SV2B: variants seen among roughly 807,000 people sequenced by gnomAD.
SV2B encodes solute carrier family 22 member B2.
A neutral mutation model predicts 73.9 loss-of-function variants in SV2B; 41 were observed. That is an observed-to-expected ratio of 0.56 (90% CI 0.43 to 0.72). The LOEUF is 0.72. SV2B is among the 30% of genes least tolerant of loss of function. The pLI is 0.00. For synonymous variants in SV2B, 314 were observed against 314.2 expected (o/e 1.00, Z 0.01); for missense variants, 764 against 857.8 (o/e 0.89, Z 1.37).
rs1301790554 is a variant in SV2B at position 91,301,682 on chromosome 15, C to G, written c.*9130C>G. 1.3e-5 allele frequency among the ~76,000 whole-genome samples: 2 copies of G among 152,172 alleles called. No homozygotes were observed. The highest frequency in any genetic ancestry group is 4.8e-5 in the African/African-American group (2 of 41,436). On this transcript the variant is annotated 3_prime_UTR_variant, in exon 13 of 13. Transcript: ENST00000394232. The surrounding 1 kb of genome is among the most constrained non-coding windows in gnomAD (Gnocchi z 4.3). ...TTGTCAAAGGCCAAATAGCTACAGA[C>G]TGAGTATTCCTTATCCCAAATGTTT...
chr15:91,252,165 G>T lies in SV2B; in HGVS notation c.632+166G>T, dbSNP rs1452035738. Reference sequence around the variant, plus strand: ...GAACCTTAGAAAGAGTTAGGGTTAGGATTAGCCTCTGAAGTCAGCATGCAA... The same window carrying T: ...GAACCTTAGAAAGAGTTAGGGTTAGTATTAGCCTCTGAAGTCAGCATGCAA... On this transcript the variant is annotated intron_variant, in intron 3 of 12. Transcript: ENST00000394232. This position sits in a 1 kb window ranked among gnomAD's most constrained non-coding sequence, Gnocchi z 4.6. Among the ~76,000 whole-genome samples the T allele has an allele frequency of 6.6e-6, 1 of 152,186 alleles. No homozygotes were observed. The highest frequency in any genetic ancestry group is 1.9e-4 in the East Asian group (1 of 5,194).
In SV2B at chr15:91,252,014, AG is replaced by A. The variant is rs757965786; in HGVS notation, c.632+17del. On this transcript the variant is annotated intron_variant, in intron 3 of 12. Coordinates refer to ENST00000394232, the MANE Select transcript of SV2B (RefSeq NM_001323032.3). This position sits in a 1 kb window ranked among gnomAD's most constrained non-coding sequence, Gnocchi z 4.6. ...TCAGGCATCGGGTATGTTCTTAGGG[AG>A]GTGGAGCTGGACCATCCCAGACCAA... 9.6e-5 allele frequency: 155 copies of A among 1,613,158 alleles called. No individual in the cohort carries two copies. The African/African-American group carries it at 1.9e-3, about 19-fold the overall frequency.
chr15:91,159,736 A>G (rs1355820057), intron 1 of SV2B, among the ~76,000 whole-genome samples: 1 of 152,188 alleles, frequency 6.6e-6, no homozygotes, highest in Non-Finnish European at 1.5e-5. Context: ...TTGACTATAA[A>G]TATATCCACT....
In SV2B at chr15:91,297,071, G is replaced by T. The variant is rs183688280; in HGVS notation, c.*4519G>T. 7.0e-6 allele frequency: 1 copy of T among 142,586 alleles called. No homozygotes were observed. Among genetic ancestry groups the T allele is most frequent in the Non-Finnish European group, 1.5e-5 (1 of 66,048 alleles). 8.8% of individuals were successfully genotyped at this position (142,586 alleles called of 1,614,324 possible). On this transcript the variant is annotated 3_prime_UTR_variant, in exon 13 of 13. Transcript: ENST00000394232. This position sits in a 1 kb window ranked among gnomAD's most constrained non-coding sequence, Gnocchi z 5.1. ...GGGCGCACGCTCCTTCTGCCTGATC[G>T]TTGGGCGCACGCTCCTTCTGCCTGA... is the stretch of plus-strand genomic sequence containing the variant.
intron 11 of SV2B, among the ~76,000 whole-genome samples, chr15:91,287,263 C>T (rs950324465): frequency 1.3e-5 from 2 of 151,984 alleles, no homozygotes; most frequent in African/African-American, 4.8e-5. Context: ...GGCTGAGGAC[C>T]GTCCCTGGGG....
chr15:91,127,554 C>T (rs981178553), intron 1 of SV2B, among the ~76,000 whole-genome samples: 2 of 152,090 alleles, frequency 1.3e-5, no homozygotes, highest in African/African-American at 2.4e-5. Context: ...GTCCTGATTT[C>T]GGGAAAGAAA....
intron 1 of SV2B, among the ~76,000 whole-genome samples, chr15:91,208,462 A>G (rs1327317263): frequency 2.0e-5 from 3 of 152,242 alleles, no homozygotes; most frequent in African/African-American, 7.2e-5. Flanking sequence ...TGACAGTTTC[A>G]TATTCATGGA....
At chr15:91,170,050 C>T (rs866736545) in intron 1 of SV2B, among the ~76,000 whole-genome samples, 14 of 152,066 alleles carry the variant, frequency 9.2e-5, no homozygotes, top group African/African-American at 1.2e-4. Context: ...TTTTTTTACT[C>T]GTTTTAAATC....
Position 91,128,028 on chromosome 15 carries a change from T to C in SV2B, c.-392+27665T>C, listed in dbSNP as rs1251175023. Among the ~76,000 whole-genome samples the C allele has an allele frequency of 6.6e-6, 1 of 152,190 alleles. No homozygotes were observed. The highest frequency in any genetic ancestry group is 1.5e-5 in the Non-Finnish European group (1 of 68,026). Reference sequence around the variant, plus strand: ...AACATCCCTCAGGTATTTGAACCTATTGCACTGGAGAAAAAGAGAAAAATA... The same window carrying C: ...AACATCCCTCAGGTATTTGAACCTACTGCACTGGAGAAAAAGAGAAAAATA... On this transcript the variant is annotated intron_variant, in intron 1 of 12. Coordinates refer to ENST00000394232, the MANE Select transcript of SV2B (RefSeq NM_001323032.3). This position sits in a 1 kb window ranked among gnomAD's most constrained non-coding sequence, Gnocchi z 4.2.
At chr15:91,209,979 T>C (rs1233704556) in intron 1 of SV2B, among the ~76,000 whole-genome samples, 2 of 151,936 alleles carry the variant, frequency 1.3e-5, no homozygotes, top group African/African-American at 2.4e-5. Context: ...TTGCCTAAGC[T>C]GAATTGGGGA....
intron 2 of SV2B, among the ~76,000 whole-genome samples, chr15:91,248,255 A>T (rs1336314931): frequency 1.3e-5 from 2 of 152,152 alleles, no homozygotes; most frequent in Non-Finnish European, 1.5e-5. Context: ...CGGGAGGCGG[A>T]GCTTGCAGTG....
At chr15:91,287,369 C>T (rs898895281) in intron 11 of SV2B, among the ~76,000 whole-genome samples, 15 of 152,174 alleles carry the variant, frequency 9.9e-5, no homozygotes, top group Non-Finnish European at 1.9e-4. Flanking sequence ...GGCACTCGTG[C>T]CCTGTGTCCC....
In SV2B at chr15:91,214,391, A is replaced by G. The variant is rs2045960022; in HGVS notation, c.-391-11482A>G. Among the ~76,000 whole-genome samples, 1 of 152,240 alleles carries G rather than the reference A, an allele frequency of 6.6e-6. No homozygotes were observed. Among genetic ancestry groups the G allele is most frequent in the Admixed American group, 6.5e-5 (1 of 15,284 alleles). ...AAGGCATATCTGTGTGTGTGTTTATATAACAATAGCTATTTTTATTGAGCT... is the reference window on the plus strand; with the variant it reads ...AAGGCATATCTGTGTGTGTGTTTATGTAACAATAGCTATTTTTATTGAGCT... On this transcript the variant is annotated intron_variant, in intron 1 of 12. Transcript: ENST00000394232. This position sits in a 1 kb window ranked among gnomAD's most constrained non-coding sequence, Gnocchi z 4.7.
chr15:91,263,489 C>T (rs986639075), intron 6 of SV2B, among the ~76,000 whole-genome samples: 7 of 151,500 alleles, frequency 4.6e-5, no homozygotes, highest in African/African-American at 1.7e-4. Context: ...CACACACACA[C>T]AGATACACAT....
intron 2 of SV2B, among the ~76,000 whole-genome samples, chr15:91,249,304 C>A (rs754749498): frequency 6.6e-6 from 1 of 152,242 alleles, no homozygotes; most frequent in Non-Finnish European, 1.5e-5. Context: ...ATGTCTTTCT[C>A]TTGGAAGCCT....
intron 1 of SV2B, among the ~76,000 whole-genome samples, chr15:91,165,205 C>T (rs565459664): frequency 9.9e-5 from 15 of 152,166 alleles, no homozygotes; most frequent in Middle Eastern, 3.4e-3. Flanking sequence ...GGTGTGGTGG[C>T]GAGCCCCTGT....
At chr15:91,217,803 C>T (rs2046085499) in intron 1 of SV2B, among the ~76,000 whole-genome samples, 1 of 152,236 alleles carries the variant, frequency 6.6e-6, no homozygotes, top group African/African-American at 2.4e-5. Flanking sequence ...GCTTGAGAGG[C>T]GAGGAGCTGA....
intron 1 of SV2B, among the ~76,000 whole-genome samples, chr15:91,144,133 A>G (rs569965188): frequency 5.3e-5 from 8 of 152,316 alleles, no homozygotes; most frequent in Non-Finnish European, 1.0e-4. Flanking sequence ...TGCCACACAT[A>G]TTTTACTTTG....
intron 1 of SV2B, among the ~76,000 whole-genome samples, chr15:91,166,708 G>A (rs1433068766): frequency 1.3e-5 from 2 of 151,904 alleles, no homozygotes; most frequent in Admixed American, 6.6e-5. Context: ...AAGTTCATCA[G>A]CTCTTTCCTG....
Sources: gnomAD v4.1 joint callset for allele counts (sites outside exome capture counted in the v4.1 genomes callset) on GRCh38, gnomAD v4.1.1 for gene constraint, Gnocchi (gnomAD v3.1) non-coding constraint, MANE v1.5 for transcripts, NCBI Gene and HGNC (gene_info 2026-07-23, HGNC 2026-07-21) for gene names.